HMGB1: variants seen among roughly 807,000 people sequenced by gnomAD.
The protein encoded by HMGB1 is high mobility group box 1, also known as high mobility group protein B1.
For synonymous variants in HMGB1, 81 were observed against 84.0 expected (o/e 0.96, Z 0.19); for missense variants, 79 against 253.5 (o/e 0.31, Z 4.67).
At chr13:30,561,190 T>C (rs1869936295) in intron 1 of HMGB1, among the ~76,000 whole-genome samples, 1 of 152,010 alleles carries the variant, frequency 6.6e-6, no homozygotes, top group Non-Finnish European at 1.5e-5. Flanking sequence ...ATTCTGGAAT[T>C]AGGGCAGCCA....
chr13:30,544,142 C>G (rs1031371755), intron 1 of HMGB1, among the ~76,000 whole-genome samples: 10 of 152,218 alleles, frequency 6.6e-5, no homozygotes, highest in African/African-American at 2.4e-4. Flanking sequence ...CGATGTCTCT[C>G]TGCCTGGGAT....
intron 1 of HMGB1, among the ~76,000 whole-genome samples, chr13:30,516,476 C>T (rs2137469091): frequency 6.6e-6 from 1 of 152,196 alleles, no homozygotes; most frequent in Non-Finnish European, 1.5e-5. Context: ...TCAGCCATAC[C>T]ATATATGTAT....
rs150522659 is a variant in HMGB1, at chr13:30,481,639, G to A, written c.-14-17945C>T. On this transcript the variant is annotated intron_variant, in intron 1 of 4. Coordinates refer to the HMGB1 transcript ENST00000405805. ...CTCCCCCGGTGGGGCAAAATCAGTG[G>A]ATGGGACACAACACATCTGCCATCA... Among the ~76,000 whole-genome samples the A allele has an allele frequency of 6.3e-3, 966 of 152,276 alleles. 11 individuals carry two copies. Among genetic ancestry groups the A allele is most frequent in the Non-Finnish European group, 0.01 (700 of 68,004 alleles).
At chr13:30,532,969 A>T (rs1888530394) in intron 1 of HMGB1, among the ~76,000 whole-genome samples, 1 of 152,208 alleles carries the variant, frequency 6.6e-6, no homozygotes, top group Admixed American at 6.5e-5. Flanking sequence ...AACCCTATGA[A>T]ATAGGTGTTA....
At chr13:30,587,537 T>C (rs1429490910) in intron 1 of HMGB1, among the ~76,000 whole-genome samples, 1 of 152,200 alleles carries the variant, frequency 6.6e-6, no homozygotes, top group African/African-American at 2.4e-5. Flanking sequence ...ATGAGACTAG[T>C]GGGGTCCTTA....
chr13:30,548,552 C>A (rs1380142303), intron 1 of HMGB1, among the ~76,000 whole-genome samples: 1 of 152,222 alleles, frequency 6.6e-6, no homozygotes, highest in East Asian at 1.9e-4. Flanking sequence ...ACATCAAGAT[C>A]TGTGTGCCTC....
At chr13:30,617,333 G>A (rs1950577154) in exon 1 of HMGB1, 1 of 152,208 alleles carries the variant, frequency 6.6e-6, no homozygotes, top group Non-Finnish European at 1.5e-5. Flanking sequence ...CGTGTGTGAT[G>A]ACCCTTTGTG....
Position 30,608,752 on chromosome 13 carries a change from C to T in HMGB1, c.-15+7919G>A, listed in dbSNP as rs566911146. Reference sequence around the variant, plus strand: ...TAGTTCTTTGCAGCTCGTTGTTGCTCCAAATCTCAGCTACCTTTTGAAACA... The same window carrying T: ...TAGTTCTTTGCAGCTCGTTGTTGCTTCAAATCTCAGCTACCTTTTGAAACA... On this transcript the variant is annotated intron_variant, in intron 1 of 4. Coordinates refer to the HMGB1 transcript ENST00000405805. Among the ~76,000 whole-genome samples, 3 of 152,300 alleles carry T rather than the reference C, an allele frequency of 2.0e-5. No individual in the cohort carries two copies. In the South Asian group the frequency reaches 6.2e-4, roughly 32 times the overall value.
chr13:30,482,953 AT>A (rs33960064), intron 1 of HMGB1, among the ~76,000 whole-genome samples: 29,650 of 143,012 alleles, frequency 0.21, 3,129 homozygotes, highest in Middle Eastern at 0.35. Flanking sequence ...AACACCAGCT[AT>A]TTTTTTTTTT....
At chr13:30,541,250 T>C in intron 1 of HMGB1, among the ~76,000 whole-genome samples, 1 of 151,022 alleles carries the variant, frequency 6.6e-6, no homozygotes, top group East Asian at 1.9e-4. Flanking sequence ...TCCCAGTTAC[T>C]TGGGAGGCTG....
At chr13:30,517,249 A>G (rs1888121902) in intron 1 of HMGB1, among the ~76,000 whole-genome samples, 1 of 152,236 alleles carries the variant, frequency 6.6e-6, no homozygotes, top group Non-Finnish European at 1.5e-5. Flanking sequence ...TGCGTTTCTA[A>G]CAAGTTCCCA....
rs199917844 is a variant in HMGB1 at position 30,538,663 on chromosome 13, C to CCTTTCTTT, written c.-14-74977_-14-74970dup. ...TCTTCCTTTCTTTCTTTCTTTCTTT[C>CCTTTCTTT]CTTTCTTTCTTTCTTTCTTTCCTTT... On this transcript the variant is annotated intron_variant, in intron 1 of 4. Coordinates refer to the HMGB1 transcript ENST00000405805. 1.7e-3 allele frequency among the ~76,000 whole-genome samples: 139 copies of CCTTTCTTT among 80,036 alleles called. 3 individuals carry two copies. Among genetic ancestry groups the CCTTTCTTT allele is most frequent in the East Asian group, 3.5e-3 (12 of 3,448 alleles). 52.5% of individuals were successfully genotyped at this position (80,036 alleles called of 152,430 possible).
intron 1 of HMGB1, among the ~76,000 whole-genome samples, chr13:30,536,353 T>A (rs1298641734): frequency 6.6e-6 from 1 of 152,200 alleles, no homozygotes; most frequent in Non-Finnish European, 1.5e-5. Context: ...CCTCTCCTAA[T>A]TTCCCAATAT....
At chr13:30,592,013 T>C (rs941303737) in intron 1 of HMGB1, among the ~76,000 whole-genome samples, 9 of 152,256 alleles carry the variant, frequency 5.9e-5, no homozygotes, top group Middle Eastern at 3.4e-3. Context: ...AAAGCAACTG[T>C]GTTCTTTCCT....
At chr13:30,544,251 C>T (rs576210166) in intron 1 of HMGB1, among the ~76,000 whole-genome samples, 13 of 152,366 alleles carry the variant, frequency 8.5e-5, no homozygotes, top group Admixed American at 8.5e-4. Flanking sequence ...CAGTGATCCA[C>T]TGGCCTTCAT....
At chr13:30,525,449 C>T (rs1888341172) in intron 1 of HMGB1, among the ~76,000 whole-genome samples, 1 of 152,182 alleles carries the variant, frequency 6.6e-6, no homozygotes, top group African/African-American at 2.4e-5. Context: ...TCTCTCAAGA[C>T]AGACTCAAAG....
intron 1 of HMGB1, among the ~76,000 whole-genome samples, chr13:30,521,985 T>G (rs976670665): frequency 1.3e-5 from 2 of 152,232 alleles, no homozygotes; most frequent in Admixed American, 6.5e-5. Context: ...ATTTTCTCAT[T>G]TGATCCTTGC....
At chr13:30,522,126 T>G (rs866133080) in intron 1 of HMGB1, among the ~76,000 whole-genome samples, 33 of 148,348 alleles carry the variant, frequency 2.2e-4, no homozygotes, top group East Asian at 4.0e-4. Context: ...TTTTTTTTTT[T>G]GGGCAAGACA....
At position 30,461,274 on chromosome 13, in the gene HMGB1, T is replaced by G; in HGVS notation, c.*83A>C. The G allele has an allele frequency of 6.6e-7, 1 of 1,505,546 alleles. No individual in the cohort carries two copies. Among genetic ancestry groups the G allele is most frequent in the Non-Finnish European group, 8.8e-7 (1 of 1,131,152 alleles). 93.3% of individuals were successfully genotyped at this position (1,505,546 alleles called of 1,614,324 possible). A position where few individuals can be genotyped will look rare whatever the true frequency, so the allele number is the denominator to read the frequency against. ...ATCTTACACAGCCTTACATTTCAAT[T>G]TTTTTCTTTAAAAGGAGTGAGTTGT... is the stretch of plus-strand genomic sequence containing the variant. On this transcript the variant is annotated 3_prime_UTR_variant, in exon 5 of 5. Transcript: ENST00000341423.
Sources: allele counts gnomAD v4.1 joint callset (sites outside exome capture counted in the v4.1 genomes callset), GRCh38; gene constraint gnomAD v4.1.1; transcripts MANE v1.5; gene names NCBI Gene and HGNC (gene_info 2026-07-23, HGNC 2026-07-21).